Variants in COP1 observed in about 807,000 individuals in gnomAD.
COP1 encodes the protein E3 ubiquitin-protein ligase COP1.
COP1 carries 24 observed loss-of-function variants against 101.3 expected under a neutral mutation model. The ratio of observed to expected loss-of-function variants is 0.24; its 90% CI spans 0.17 to 0.33. COP1 has a LOEUF of 0.33. COP1 is among the 10% of genes least tolerant of loss of function. COP1 has a pLI of 1.00. For missense variants in COP1, 663 were observed against 906.2 expected (o/e 0.73, Z 3.45); for synonymous variants, 347 against 341.9 (o/e 1.01, Z -0.17).
chr1:176,192,186 T>C (rs1699181737), intron 1 of COP1, among the ~76,000 whole-genome samples: 1 of 152,174 alleles, frequency 6.6e-6, no homozygotes, highest in Admixed American at 6.5e-5. Flanking sequence ...CAATACATTC[T>C]TGATCTCTTC....
At chr1:175,955,750 A>G (rs996511751) in intron 18 of COP1, among the ~76,000 whole-genome samples, 2 of 127,310 alleles carry the variant, frequency 1.6e-5, no homozygotes, top group Admixed American at 1.6e-4. Flanking sequence ...AAAAGCATGA[A>G]TCATTTAGAG....
chr1:176,060,597 G>C (rs762208727), intron 11 of COP1, among the ~76,000 whole-genome samples: 2 of 152,100 alleles, frequency 1.3e-5, no homozygotes, highest in Non-Finnish European at 2.9e-5. Flanking sequence ...TCTCAGTTCT[G>C]TGTTCTCTGG....
At chr1:176,149,782 C>G (rs1177825203) in intron 5 of COP1, among the ~76,000 whole-genome samples, 3 of 151,636 alleles carry the variant, frequency 2.0e-5, no homozygotes, top group Non-Finnish European at 2.9e-5. Context: ...TTCACAAGAA[C>G]CAGGAATTCC....
chr1:175,961,276 CCTGA>C lies in COP1; in HGVS notation c.2134-14041_2134-14038del, dbSNP rs967112121. Among the ~76,000 whole-genome samples, 64 of 152,274 alleles carry C rather than the reference CCTGA, an allele frequency of 4.2e-4. 1 individual carries two copies. Among genetic ancestry groups the C allele is most frequent in the African/African-American group, 1.3e-3 (53 of 41,550 alleles). On this transcript the variant is annotated intron_variant, in intron 18 of 19. Coordinates refer to ENST00000367669, the MANE Select transcript of COP1 (RefSeq NM_022457.7). Reference sequence around the variant, plus strand: ...TATTACTTCTGTCCCTTTGGAGAACCCTGACTAAGACATAAAGAAACGCTCCCAA... The same window carrying C: ...TATTACTTCTGTCCCTTTGGAGAACCCTAAGACATAAAGAAACGCTCCCAA...
At chr1:176,081,098 A>G (rs1327502846) in intron 11 of COP1, 54 bp downstream of exon 11, 17 of 1,438,206 alleles carry the variant, frequency 1.2e-5, no homozygotes, top group Admixed American at 5.9e-5. Flanking sequence ...TCTCAAATTC[A>G]ATTAGATTCT....
intron 15 of COP1, among the ~76,000 whole-genome samples, chr1:176,022,437 C>T (rs1159417597): frequency 1.3e-5 from 2 of 152,104 alleles, no homozygotes; most frequent in African/African-American, 4.8e-5. Context: ...TTCATCATCA[C>T]AAATGATATT....
chr1:175,988,366 A>G lies in COP1; in HGVS notation c.1894T>C (p.Cys632Arg), dbSNP rs755790925. Reference protein sequence around the residue: ...LKLWNVGKPYCLRSFKGHINE... With the variant: ...LKLWNVGKPYRLRSFKGHINE... ...ATATGACCCTTGAAGGAACGTAGGC[A>G]GTATGGTTTCCCTACATTCCACAGT... The change falls in exon 17 of 20, where the codon TGC (cysteine) becomes CGC (arginine). Residue 632 changes from cysteine (C) to arginine (R), a missense_variant. Transcript: ENST00000367669. 3 of 1,611,294 alleles carry G rather than the reference A, an allele frequency of 1.9e-6. No individual in the cohort carries two copies. Among genetic ancestry groups the G allele is most frequent in the Non-Finnish European group, 2.5e-6 (3 of 1,177,852 alleles).
At chr1:176,064,662 C>T (rs962808587) in intron 11 of COP1, among the ~76,000 whole-genome samples, 14 of 151,376 alleles carry the variant, frequency 9.2e-5, no homozygotes, top group Non-Finnish European at 1.8e-4. Flanking sequence ...CGTTTTCTTT[C>T]TTTTTTTTTG....
intron 15 of COP1, among the ~76,000 whole-genome samples, chr1:176,015,086 C>A (rs773786901): frequency 6.6e-6 from 1 of 152,052 alleles, no homozygotes; most frequent in Non-Finnish European, 1.5e-5. Flanking sequence ...TAAGATGAGA[C>A]TGAAGAGTGT....
chr1:176,111,697 A>T (rs2149565610), intron 9 of COP1, among the ~76,000 whole-genome samples: 1 of 152,302 alleles, frequency 6.6e-6, no homozygotes, highest in Middle Eastern at 3.4e-3. Flanking sequence ...TTATACGAAA[A>T]AAACTGTCTA....
At chr1:176,009,405 C>A (rs1267826234) in intron 15 of COP1, among the ~76,000 whole-genome samples, 3 of 152,050 alleles carry the variant, frequency 2.0e-5, no homozygotes, top group Admixed American at 2.0e-4. Context: ...TAACATAGTA[C>A]CATATAATAA....
chr1:176,168,476 G>C (rs1695499773), intron 3 of COP1, among the ~76,000 whole-genome samples: 1 of 129,102 alleles, frequency 7.7e-6, no homozygotes, highest in Non-Finnish European at 1.7e-5. Context: ...GAGGAAGGGA[G>C]GAAGGCAGGA....
chr1:176,127,370 T>C (rs537760468), intron 8 of COP1, among the ~76,000 whole-genome samples: 2 of 152,140 alleles, frequency 1.3e-5, no homozygotes, highest in Non-Finnish European at 2.9e-5. Flanking sequence ...ACCTCTAATC[T>C]CTGTTAACCA....
At chr1:176,075,130 C>A (rs1401403098) in intron 11 of COP1, among the ~76,000 whole-genome samples, 2 of 152,128 alleles carry the variant, frequency 1.3e-5, no homozygotes, top group African/African-American at 4.8e-5. Flanking sequence ...CTAGCCTGCA[C>A]TACGTTATCA....
chr1:175,973,611 T>C (rs1441698271), intron 18 of COP1, among the ~76,000 whole-genome samples: 9 of 152,182 alleles, frequency 5.9e-5, no homozygotes. Context: ...ATATAATGGT[T>C]GCCTTGTAAA....
intron 14 of COP1, among the ~76,000 whole-genome samples, chr1:176,035,705 G>A (rs1467965854): frequency 6.4e-5 from 4 of 62,824 alleles, no homozygotes; most frequent in East Asian, 5.1e-4. Flanking sequence ...TCAATAAAAC[G>A]AGACCAAAAA....
chr1:176,003,867 G>GT (rs1438159899), intron 15 of COP1, among the ~76,000 whole-genome samples: 2 of 152,116 alleles, frequency 1.3e-5, no homozygotes, highest in African/African-American at 4.8e-5. Flanking sequence ...CTTGAAAGTA[G>GT]TTTTTTCCAA....
intron 1 of COP1, among the ~76,000 whole-genome samples, chr1:176,190,593 G>A (rs1205555461): frequency 6.6e-6 from 1 of 150,764 alleles, no homozygotes; most frequent in African/African-American, 2.4e-5. Flanking sequence ...TATCTAATAT[G>A]CATTTATAAG....
chr1:176,004,075 T>C (rs1662474051), intron 15 of COP1, among the ~76,000 whole-genome samples: 1 of 148,196 alleles, frequency 6.7e-6, no homozygotes, highest in African/African-American at 2.5e-5. Context: ...ACATCCCTTG[T>C]AAGTTGGATT....
Sources: allele counts gnomAD v4.1 joint callset (sites outside exome capture counted in the v4.1 genomes callset), GRCh38; gene constraint gnomAD v4.1.1; transcripts MANE v1.5; gene names NCBI Gene and HGNC (gene_info 2026-07-23, HGNC 2026-07-21).